The following VPS33B variants were observed in gnomAD, a reference collection of about 807,000 sequenced individuals.
VPS33B encodes the protein VPS33B late endosome and lysosome associated.
VPS33B carries 80 observed loss-of-function variants against 95.3 expected under a neutral mutation model. That is an observed-to-expected ratio of 0.84 (90% CI 0.70 to 1.01). VPS33B has a LOEUF of 1.01. VPS33B is among the 50% of genes least tolerant of loss of function. The probability of loss-of-function intolerance (pLI) is 0.00; values close to 1 mark genes in which losing one functional copy is unlikely to be tolerated. For synonymous variants in VPS33B, 280 were observed against 280.4 expected, an observed-to-expected ratio of 1.00 and a Z score of 0.01; for missense variants, 715 against 773.4, an observed-to-expected ratio of 0.92 and a Z score of 0.90.
rs1165967703 is a variant in VPS33B at position 91,000,032 on chromosome 15, G to A, written c.1582-57C>T. 1.9e-6 allele frequency: 3 copies of A among 1,600,984 alleles called. No individual in the cohort carries two copies. The highest frequency in any genetic ancestry group is 1.7e-4 in the Middle Eastern group (1 of 6,028). On this transcript the variant is annotated intron_variant, in intron 20 of 22. Transcript: ENST00000333371. The surrounding 1 kb of genome is among the most constrained non-coding windows in gnomAD (Gnocchi z 4.9). Reference sequence around the variant, plus strand: ...ACAGACAGTATCAGGCTTAGGAAAGGAAGGGCACAGCAGCCAGACTGTCAC... The same window carrying A: ...ACAGACAGTATCAGGCTTAGGAAAGAAAGGGCACAGCAGCCAGACTGTCAC...
In VPS33B at chr15:91,022,380, C is replaced by T. The variant is rs755401805; in HGVS notation, c.-131G>A. 2.8e-4 allele frequency: 228 copies of T among 824,568 alleles called. No homozygotes were observed. In the Middle Eastern group the frequency reaches 3.0e-3, roughly 11 times the overall value. 51.1% of individuals were successfully genotyped at this position (824,568 alleles called of 1,614,324 possible). On this transcript the variant is annotated 5_prime_UTR_variant, in exon 1 of 23. Coordinates refer to ENST00000333371, the MANE Select transcript of VPS33B (RefSeq NM_018668.5). ...CGACTTCCAGAGACCCCAGATGGGC[C>T]CTCGCTCCTCAGCAGCACTCCAGGA...
chr15:91,006,177 G>T lies in VPS33B; in HGVS notation c.853-118C>A. 1 of 1,367,390 alleles carries T rather than the reference G, an allele frequency of 7.3e-7. No homozygotes were observed. Among genetic ancestry groups the T allele is most frequent in the Non-Finnish European group, 1.0e-6 (1 of 970,314 alleles). 84.7% of individuals were successfully genotyped at this position (1,367,390 alleles called of 1,614,324 possible). A position where few individuals can be genotyped will look rare whatever the true frequency, so the allele number is the denominator to read the frequency against. On this transcript the variant is annotated intron_variant, in intron 11 of 22. Coordinates refer to ENST00000333371, the MANE Select transcript of VPS33B (RefSeq NM_018668.5). The surrounding 1 kb of genome is among the most constrained non-coding windows in gnomAD (Gnocchi z 5.4). Reference sequence around the variant, plus strand: ...GCAGAAATACAAAGAAAGCTGAGCTGGGATCTGTAAGTCCATATCAAATGC... The same window carrying T: ...GCAGAAATACAAAGAAAGCTGAGCTTGGATCTGTAAGTCCATATCAAATGC...
At position 90,998,946 on chromosome 15, in the gene VPS33B, G is replaced by A. The variant is rs773319772; in HGVS notation, c.*29C>T. The A allele has an allele frequency of 1.2e-6, 2 of 1,612,660 alleles. No individual in the cohort carries two copies. Among genetic ancestry groups the A allele is most frequent in the South Asian group, 1.1e-5 (1 of 90,662 alleles). On this transcript the variant is annotated 3_prime_UTR_variant, in exon 23 of 23. Transcript: ENST00000333371. This position sits in a 1 kb window ranked among gnomAD's most constrained non-coding sequence, Gnocchi z 4.8. ...CATCTCACTGAGGAATGTGTTCAGGGAAGATGTCAACACTGGCCGGGAAAA... is the reference window on the plus strand; with the variant it reads ...CATCTCACTGAGGAATGTGTTCAGGAAAGATGTCAACACTGGCCGGGAAAA...
In VPS33B at chr15:91,007,677, G is replaced by GA; in HGVS notation, c.499-105dup. The GA allele has an allele frequency of 7.4e-7, 1 of 1,346,440 alleles. No individual in the cohort carries two copies. The highest frequency in any genetic ancestry group is 1.1e-6 in the Non-Finnish European group (1 of 941,264). The allele number at this position is 1,346,440 out of a possible 1,614,324, so 83.4% of individuals were successfully genotyped here. On this transcript the variant is annotated intron_variant, in intron 7 of 22. Coordinates refer to ENST00000333371, the MANE Select transcript of VPS33B (RefSeq NM_018668.5). This position sits in a 1 kb window ranked among gnomAD's most constrained non-coding sequence, Gnocchi z 5.3. ...TGGAGCAGGGTGGCAGGGCCTGGGG[G>GA]ATGCTTGAAAGGTTTTCATTGGCTC...
intron 18 of VPS33B, among the ~76,000 whole-genome samples, 189 bp downstream of exon 18, chr15:91,001,861 A>G (rs926834665): frequency 5.3e-5 from 8 of 152,240 alleles, no homozygotes; most frequent in Non-Finnish European, 7.3e-5. Flanking sequence ...TAAAGGGCTC[A>G]GCACATGGTA....
At position 91,018,295 on chromosome 15, in the gene VPS33B, A is replaced by G. The variant is rs988005955; in HGVS notation, c.97-410T>C. 1.3e-5 allele frequency among the ~76,000 whole-genome samples: 2 copies of G among 152,166 alleles called. No homozygotes were observed. Among genetic ancestry groups the G allele is most frequent in the African/African-American group, 4.8e-5 (2 of 41,436 alleles). On this transcript the variant is annotated intron_variant, in intron 1 of 22. Coordinates refer to ENST00000333371, the MANE Select transcript of VPS33B (RefSeq NM_018668.5). This position sits in a 1 kb window ranked among gnomAD's most constrained non-coding sequence, Gnocchi z 4.7. ...GCATTTTTCTCCTAAGTACAAAATA[A>G]AATAGCACACGTTCACTGCAGAAAA... is the stretch of plus-strand genomic sequence containing the variant.
chr15:91,000,714 T>C lies in VPS33B; in HGVS notation c.1480-123A>G. 1 of 826,814 alleles carries C rather than the reference T, an allele frequency of 1.2e-6. No individual in the cohort carries two copies. The highest frequency in any genetic ancestry group is 2.9e-5 in the East Asian group (1 of 33,942). The allele number at this position is 826,814 out of a possible 1,614,324, so 51.2% of individuals were successfully genotyped here. A position where few individuals can be genotyped will look rare whatever the true frequency, so the allele number is the denominator to read the frequency against. On this transcript the variant is annotated intron_variant, in intron 19 of 22. Coordinates refer to ENST00000333371, the MANE Select transcript of VPS33B (RefSeq NM_018668.5). This position sits in a 1 kb window ranked among gnomAD's most constrained non-coding sequence, Gnocchi z 4.9. Reference sequence around the variant, plus strand: ...TTTCAACTAAAGGGAGAACCAGCAATAGCCCTGAAAAGAGAATCCATAACG... The same window carrying C: ...TTTCAACTAAAGGGAGAACCAGCAACAGCCCTGAAAAGAGAATCCATAACG...
At chr15:91,014,259 C>T (rs1395330682) in intron 4 of VPS33B, 125 bp downstream of exon 4, 1 of 750,588 alleles carries the variant, frequency 1.3e-6, no homozygotes, top group Non-Finnish European at 2.3e-6. Flanking sequence ...GGGAAGCAGA[C>T]ATCCTCCACA....
rs1453103256 is a variant in VPS33B at position 91,007,508 on chromosome 15, T to A, written c.564A>T (p.Gly188=). 6.8e-6 allele frequency: 11 copies of A among 1,614,102 alleles called. No individual in the cohort carries two copies. The highest frequency in any genetic ancestry group is 1.1e-5 in the South Asian group (1 of 91,080). The part of the protein sequence containing the change: ...QALHLLSTLY[G]PFPNCYGIGR... Reference sequence around the variant, plus strand: ...CAATTCCATAGCAGTTTGGAAAGGGTCCATAGAGAGTGCTGAGAAGGTGTA... The same window carrying A: ...CAATTCCATAGCAGTTTGGAAAGGGACCATAGAGAGTGCTGAGAAGGTGTA... Residue 188 remains glycine (G), a synonymous_variant, in exon 8 of 23, where the codon GGA becomes GGT. Transcript: ENST00000333371. This position sits in a 1 kb window ranked among gnomAD's most constrained non-coding sequence, Gnocchi z 5.3.
chr15:91,019,162 G>A (rs1047566072), intron 1 of VPS33B, among the ~76,000 whole-genome samples: 2 of 115,914 alleles, frequency 1.7e-5, no homozygotes, highest in Non-Finnish European at 3.3e-5. Flanking sequence ...TTACTCTGTC[G>A]CCCAGGCTGG....
rs1006868674 is a variant in VPS33B, at chr15:91,010,946, C to T, written c.358-1100G>A. ...GGAAGCAGAAGCAGTGACAATAGAA[C>T]ATTCTTCACAGAAGCCTGGCCCTGA... On this transcript the variant is annotated intron_variant, in intron 5 of 22. Transcript: ENST00000333371. The surrounding 1 kb of genome is among the most constrained non-coding windows in gnomAD (Gnocchi z 5.7). 6.6e-6 allele frequency among the ~76,000 whole-genome samples: 1 copy of T among 152,202 alleles called. No individual in the cohort carries two copies. Among genetic ancestry groups the T allele is most frequent in the Admixed American group, 6.5e-5 (1 of 15,268 alleles).
In VPS33B at chr15:91,005,372, G is replaced by A; in HGVS notation, c.1105+8C>T. On this transcript the variant is annotated splice_region_variant and intron_variant, in intron 14 of 22. Transcript: ENST00000333371. The surrounding 1 kb of genome is among the most constrained non-coding windows in gnomAD (Gnocchi z 6.4). ...TGGGCAGTAGCACAGCAAGGCTGCG[G>A]CAGTTACCATGCTCAGTCTTGATTA... 1 of 1,614,166 alleles carries A rather than the reference G, an allele frequency of 6.2e-7. No homozygotes were observed. The highest frequency in any genetic ancestry group is 8.5e-7 in the Non-Finnish European group (1 of 1,180,024).
chr15:91,016,847 A>C (rs1332059054), intron 3 of VPS33B, 116 bp downstream of exon 3: 1 of 996,578 alleles, frequency 1.0e-6, no homozygotes, highest in African/African-American at 1.6e-5. Flanking sequence ...TAGCCATGAA[A>C]TTGTAAAGTT....
chr15:91,000,514 G>C lies in VPS33B; in HGVS notation c.1557C>G (p.Pro519=), dbSNP rs745328531. ...MAYVFGGAYV[P]LSCRIIEQVL... is the part of the protein sequence containing the mutation. ...CCTGCTCAATGATTCGGCAGCTCAG[G>C]GGCACATAAGCACCACCGAAGACGT... Residue 519 remains proline (P), a synonymous_variant, in exon 20 of 23, where the codon CCC becomes CCG. Transcript: ENST00000333371. This position sits in a 1 kb window ranked among gnomAD's most constrained non-coding sequence, Gnocchi z 4.9. 1.9e-6 allele frequency: 3 copies of C among 1,613,394 alleles called. No individual in the cohort carries two copies. The highest frequency in any genetic ancestry group is 1.7e-6 in the Non-Finnish European group (2 of 1,179,642).
At position 91,005,915 on chromosome 15, in the gene VPS33B, A is replaced by T; in HGVS notation, c.939+58T>A. 1 of 1,603,124 alleles carries T rather than the reference A, an allele frequency of 6.2e-7. No individual in the cohort carries two copies. Reference sequence around the variant, plus strand: ...AGTATTAGAAGGGGAGCCCAAGGGCAGCAGCCTTGGGAAGCCACTGAGGCA... The same window carrying T: ...AGTATTAGAAGGGGAGCCCAAGGGCTGCAGCCTTGGGAAGCCACTGAGGCA... On this transcript the variant is annotated intron_variant, in intron 12 of 22. Coordinates refer to ENST00000333371, the MANE Select transcript of VPS33B (RefSeq NM_018668.5). This position sits in a 1 kb window ranked among gnomAD's most constrained non-coding sequence, Gnocchi z 6.4.
Position 91,006,799 on chromosome 15 carries a change from G to C in VPS33B, c.701-70C>G. ...CTTCTACACAGCATGTCCAAGGGCA[G>C]CTTTGATACTTTCCATAGGGCCAAG... On this transcript the variant is annotated intron_variant, in intron 9 of 22. Transcript: ENST00000333371. This position sits in a 1 kb window ranked among gnomAD's most constrained non-coding sequence, Gnocchi z 5.4. The C allele has an allele frequency of 6.3e-7, 1 of 1,598,802 alleles. No homozygotes were observed. The highest frequency in any genetic ancestry group is 8.6e-7 in the Non-Finnish European group (1 of 1,166,254).
Position 91,003,224 on chromosome 15 carries a change from C to G in VPS33B, c.1226-93G>C, listed in dbSNP as rs1567220188. ...ATCAACCAGCAACGAACGCCTTCTT[C>G]AGGAGGAAGGATTCAGTAAATGTTA... On this transcript the variant is annotated intron_variant, in intron 16 of 22. Coordinates refer to ENST00000333371, the MANE Select transcript of VPS33B (RefSeq NM_018668.5). 21 of 1,215,404 alleles carry G rather than the reference C, an allele frequency of 1.7e-5. No homozygotes were observed. In the South Asian group the frequency reaches 2.3e-4, roughly 13 times the overall value. The allele number at this position is 1,215,404 out of a possible 1,614,324, so 75.3% of individuals were successfully genotyped here. A position where few individuals can be genotyped will look rare whatever the true frequency, so the allele number is the denominator to read the frequency against.
rs2040458328 is a variant in VPS33B, at chr15:91,002,177, A to G, written c.1278T>C (p.Tyr426=). The change falls in exon 18 of 23, where the codon TAT becomes TAC. Residue 426 remains tyrosine (Y), a synonymous_variant. Coordinates refer to ENST00000333371, the MANE Select transcript of VPS33B (RefSeq NM_018668.5). This position sits in a 1 kb window ranked among gnomAD's most constrained non-coding sequence, Gnocchi z 4.7. ...RSLKTQYLQS[Y]GPEHLLTFSN... is the part of the protein sequence containing the mutation. ...AGAAGGTTAGCAGGTGCTCAGGGCC[A>G]TAGCTCTGAAGAAGATGCAATTAGA... 5 of 1,614,206 alleles carry G rather than the reference A, an allele frequency of 3.1e-6. No individual in the cohort carries two copies. The highest frequency in any genetic ancestry group is 3.4e-6 in the Non-Finnish European group (4 of 1,180,028).
In VPS33B at chr15:91,013,866, C is replaced by T. The variant is rs756606558; in HGVS notation, c.295G>A (p.Val99Ile). The T allele has an allele frequency of 6.2e-7, 1 of 1,613,982 alleles. No homozygotes were observed. The highest frequency in any genetic ancestry group is 8.5e-7 in the Non-Finnish European group (1 of 1,180,012). The stretch of plus-strand genomic sequence containing the variant: ...CGGCCAGCCAATTTGTCAGCATTGA[C>T]AAGACCTACAGAGAGAAGGAATGCA... ...IKNMRYIASL[V>I]NADKLAGRTR... The change falls in exon 5 of 23, where the codon GTC becomes ATC. Residue 99 changes from valine (V) to isoleucine (I), a missense_variant. Val to Ile is a conservative substitution (Grantham distance 29, BLOSUM62 3). Coordinates refer to ENST00000333371, the MANE Select transcript of VPS33B (RefSeq NM_018668.5). The surrounding 1 kb of genome is among the most constrained non-coding windows in gnomAD (Gnocchi z 4.5).
Sources: gnomAD v4.1 joint callset for allele counts (sites outside exome capture counted in the v4.1 genomes callset) on GRCh38, gnomAD v4.1.1 for gene constraint, Gnocchi (gnomAD v3.1) non-coding constraint, MANE v1.5 for transcripts, NCBI Gene and HGNC (gene_info 2026-07-23, HGNC 2026-07-21) for gene names.